The following RBFOX1 variants were observed in gnomAD, a reference collection of about 807,000 sequenced individuals.
RBFOX1 encodes RNA binding fox-1 homolog 1.
A neutral mutation model predicts 57.7 loss-of-function variants in RBFOX1; 8 were observed. The ratio of observed to expected loss-of-function variants is 0.14; its 90% CI spans 0.08 to 0.25. The LOEUF (loss-of-function observed/expected upper bound fraction) is 0.25, where lower values mean the gene tolerates loss of function less well. Ranked by LOEUF, RBFOX1 falls within the 10% of genes least tolerant of loss-of-function variation. The pLI, the probability that RBFOX1 is intolerant of heterozygous loss-of-function variation, is 1.00. For missense variants in RBFOX1, 611 were observed against 548.5 expected, an observed-to-expected ratio of 1.11 and a Z score of -1.14; for synonymous variants, 326 against 222.4, an observed-to-expected ratio of 1.47 and a Z score of -4.15.
At chr16:6,816,454 CTTG>C in intron 3 of RBFOX1, among the ~76,000 whole-genome samples, 1 of 145,282 alleles carries the variant, frequency 6.9e-6, no homozygotes, top group East Asian at 2.0e-4. Flanking sequence ...GAAACAGGGT[CTTG>C]TTGGCCGGGT....
chr16:7,247,218 AG>A (rs1403792830), intron 4 of RBFOX1, among the ~76,000 whole-genome samples: 2 of 152,144 alleles, frequency 1.3e-5, no homozygotes, highest in African/African-American at 4.8e-5. Context: ...TTGGTGAAGG[AG>A]AAGTGCAAGA....
intron 3 of RBFOX1, among the ~76,000 whole-genome samples, chr16:6,963,735 G>C (rs968130627): frequency 3.9e-5 from 6 of 152,098 alleles, no homozygotes; most frequent in African/African-American, 1.2e-4. Context: ...GTCTTGCTCT[G>C]TTGCCCAGGC....
chr16:5,263,004 G>C (rs2062772018), intron 1 of RBFOX1, among the ~76,000 whole-genome samples: 1 of 152,054 alleles, frequency 6.6e-6, no homozygotes, highest in Admixed American at 6.5e-5. Context: ...TCTTTCTGGG[G>C]AGTGGGAGAT....
intron 3 of RBFOX1, among the ~76,000 whole-genome samples, chr16:5,789,000 G>C (rs1296956096): frequency 6.6e-6 from 1 of 152,092 alleles, no homozygotes. Flanking sequence ...TCCACTTCCA[G>C]CTGATTCTGA....
rs34505014 is a variant in RBFOX1, at chr16:6,574,424, A to ATTTTTT, written c.-63-80162_-63-80157dup. Reference sequence around the variant, plus strand: ...GCAAGGGTTTCTGTCCGTATCTTCTATTTTTTTTTTTTTTTTTTTTTTGAG... The same window carrying ATTTTTT: ...GCAAGGGTTTCTGTCCGTATCTTCTATTTTTTTTTTTTTTTTTTTTTTTTTTTTGAG... On this transcript the variant is annotated intron_variant, in intron 2 of 15. Transcript: ENST00000550418. Among the ~76,000 whole-genome samples the ATTTTTT allele has an allele frequency of 8.7e-4, 78 of 89,918 alleles. 1 individual carries two copies. The highest frequency in any genetic ancestry group is 1.3e-3 in the Non-Finnish European group (64 of 48,600). 59.0% of individuals were successfully genotyped at this position (89,918 alleles called of 152,430 possible).
chr16:6,911,363 G>A (rs9927762), intron 3 of RBFOX1, among the ~76,000 whole-genome samples: 35,942 of 152,024 alleles, frequency 0.24, 4,350 homozygotes, highest in South Asian at 0.32. Context: ...GGTGTCAGGA[G>A]GGTTGGTTTC....
intron 1 of RBFOX1, among the ~76,000 whole-genome samples, chr16:5,285,356 G>T (rs1185913813): frequency 7.4e-6 from 1 of 134,954 alleles, no homozygotes; most frequent in Admixed American, 8.5e-5. Flanking sequence ...ATCATGAATT[G>T]TTTTCCTGAT....
chr16:7,264,176 G>T (rs11866509), intron 4 of RBFOX1, among the ~76,000 whole-genome samples: 21 of 152,254 alleles, frequency 1.4e-4, no homozygotes, highest in Admixed American at 1.1e-3. Context: ...CTGGACTCCA[G>T]ACCTCAAGCA....
chr16:6,486,856 A>C (rs1344372307), intron 2 of RBFOX1, among the ~76,000 whole-genome samples: 1 of 152,154 alleles, frequency 6.6e-6, no homozygotes, highest in Non-Finnish European at 1.5e-5. Flanking sequence ...GAATTTTACA[A>C]TTATGAATTC....
At chr16:5,549,083 G>A (rs929628882) in intron 2 of RBFOX1, among the ~76,000 whole-genome samples, 2 of 152,294 alleles carry the variant, frequency 1.3e-5, no homozygotes, top group African/African-American at 4.8e-5. Flanking sequence ...AGACATCCTC[G>A]TGGAGGACCC....
intron 1 of RBFOX1, among the ~76,000 whole-genome samples, chr16:6,305,906 G>C (rs1288600578): frequency 6.6e-6 from 1 of 152,040 alleles, no homozygotes; most frequent in African/African-American, 2.4e-5. Flanking sequence ...TTAGGAGCTG[G>C]ACATGAGGTA....
At chr16:5,509,396 C>T (rs922684379) in intron 2 of RBFOX1, among the ~76,000 whole-genome samples, 1 of 152,192 alleles carries the variant, frequency 6.6e-6, no homozygotes, top group East Asian at 1.9e-4. Context: ...ATCTCTTTCA[C>T]CCATGAACTG....
rs561005786 is a variant in RBFOX1, at chr16:7,460,575, G to A, written c.28-57572G>A. Reference sequence around the variant, plus strand: ...CAGTGGGGTCTACCAGAGGGTGGAAGGTAGGAGGATGGAAAGGATCAAGAA... The same window carrying A: ...CAGTGGGGTCTACCAGAGGGTGGAAAGTAGGAGGATGGAAAGGATCAAGAA... On this transcript the variant is annotated intron_variant, in intron 4 of 15. Coordinates refer to ENST00000550418, the MANE Select transcript of RBFOX1 (RefSeq NM_018723.4). 1.4e-4 allele frequency among the ~76,000 whole-genome samples: 21 copies of A among 149,742 alleles called. No homozygotes were observed. The East Asian group carries it at 3.5e-3, about 25-fold the overall frequency.
intron 2 of RBFOX1, among the ~76,000 whole-genome samples, chr16:6,633,088 C>G (rs1370401065): frequency 6.6e-6 from 1 of 152,108 alleles, no homozygotes; most frequent in African/African-American, 2.4e-5. Flanking sequence ...TTTTTTCCAG[C>G]CCTTGGAAGA....
At chr16:6,344,444 C>T (rs1197011287) in intron 2 of RBFOX1, among the ~76,000 whole-genome samples, 1 of 121,158 alleles carries the variant, frequency 8.3e-6, no homozygotes, top group East Asian at 2.3e-4. Flanking sequence ...ATCGCCCAGG[C>T]TGGAGTGCAG....
intron 10 of RBFOX1, among the ~76,000 whole-genome samples, chr16:7,612,182 G>A (rs990473564): frequency 2.1e-4 from 31 of 150,792 alleles, no homozygotes; most frequent in African/African-American, 3.7e-4. Flanking sequence ...TTAGCCGGGC[G>A]TGGTGGTGGG....
Position 6,686,142 on chromosome 16 carries a change from T to C in RBFOX1, c.-16+31492T>C, listed in dbSNP as rs150735572. On this transcript the variant is annotated intron_variant, in intron 3 of 15. Coordinates refer to ENST00000550418, the MANE Select transcript of RBFOX1 (RefSeq NM_018723.4). ...AGTGGGGACTATCATTTCTTCTACATATTAAGCAGAGAGAATGTGAAGGAA... is the reference window on the plus strand; with the variant it reads ...AGTGGGGACTATCATTTCTTCTACACATTAAGCAGAGAGAATGTGAAGGAA... 1.4e-4 allele frequency among the ~76,000 whole-genome samples: 21 copies of C among 152,320 alleles called. No homozygotes were observed. In the East Asian group the frequency reaches 1.7e-3, roughly 13 times the overall value.
intron 1 of RBFOX1, among the ~76,000 whole-genome samples, chr16:6,051,962 T>C (rs1222109818): frequency 6.6e-6 from 1 of 152,218 alleles, no homozygotes; most frequent in African/African-American, 2.4e-5. Context: ...CTCCCTCACC[T>C]GGACCGACAA....
At chr16:7,611,387 G>A (rs1268585827) in intron 10 of RBFOX1, among the ~76,000 whole-genome samples, 1 of 152,054 alleles carries the variant, frequency 6.6e-6, no homozygotes, top group East Asian at 1.9e-4. Flanking sequence ...GACCAGCCTG[G>A]CCAACATGGT....
Sources: gnomAD v4.1 joint callset for allele counts (sites outside exome capture counted in the v4.1 genomes callset) on GRCh38, gnomAD v4.1.1 for gene constraint, MANE v1.5 for transcripts, NCBI Gene and HGNC (gene_info 2026-07-23, HGNC 2026-07-21) for gene names.